Variants in SPRED1 observed in about 807,000 individuals in gnomAD.
The protein encoded by SPRED1 is sprouty-related, EVH1 domain-containing protein 1.
SPRED1 carries 18 observed loss-of-function variants against 52.3 expected under a neutral mutation model. The observed-to-expected ratio is 0.34, with a 90% CI of 0.24 to 0.51. The LOEUF is 0.51. Ranked by LOEUF, SPRED1 falls within the 20% of genes least tolerant of loss-of-function variation. The pLI is 0.97. For synonymous variants in SPRED1, 155 were observed against 179.7 expected (o/e 0.86, Z 1.10); for missense variants, 485 against 551.0 (o/e 0.88, Z 1.20).
chr15:38,297,648 A>G (rs1257565104), intron 1 of SPRED1, among the ~76,000 whole-genome samples: 1 of 151,186 alleles, frequency 6.6e-6, no homozygotes, highest in Non-Finnish European at 1.5e-5. Context: ...CCCCAATAAT[A>G]GATAATTATG....
chr15:38,273,702 A>AT (rs911592629), intron 1 of SPRED1, among the ~76,000 whole-genome samples: 103 of 152,272 alleles, frequency 6.8e-4, no homozygotes, highest in African/African-American at 2.4e-3. Flanking sequence ...GCTAAATGAT[A>AT]ATTAGCCCAG....
At position 38,322,230 on chromosome 15, in the gene SPRED1, G is replaced by A. The variant is rs751879511; in HGVS notation, c.208-11G>A. On this transcript the variant is annotated splice_polypyrimidine_tract_variant and intron_variant, in intron 2 of 6. Coordinates refer to ENST00000299084, the MANE Select transcript of SPRED1 (RefSeq NM_152594.3). Reference sequence around the variant, plus strand: ...TATGTATATTAATTTTTGGTATTTGGCTTTTGTCAGGTGGTTTTGGAATGT... The same window carrying A: ...TATGTATATTAATTTTTGGTATTTGACTTTTGTCAGGTGGTTTTGGAATGT... 4 of 1,613,330 alleles carry A rather than the reference G, an allele frequency of 2.5e-6. No individual in the cohort carries two copies. Among genetic ancestry groups the A allele is most frequent in the Admixed American group, 1.7e-5 (1 of 59,984 alleles).
chr15:38,270,203 A>C (rs77158173), intron 1 of SPRED1, among the ~76,000 whole-genome samples: 6,047 of 152,238 alleles, frequency 0.04, 402 homozygotes, highest in African/African-American at 0.14. Flanking sequence ...CACCATGCCC[A>C]GCCCAAATCT....
chr15:38,259,611 T>C (rs937156631), intron 1 of SPRED1, among the ~76,000 whole-genome samples: 3 of 152,210 alleles, frequency 2.0e-5, no homozygotes, highest in African/African-American at 4.8e-5. Flanking sequence ...ACAAAGGCTA[T>C]TGGGCTTAAA....
intron 1 of SPRED1, among the ~76,000 whole-genome samples, chr15:38,259,741 A>T (rs1251996499): frequency 6.6e-6 from 1 of 152,222 alleles, no homozygotes. Flanking sequence ...ACACTAGGGG[A>T]TAACTGTATA....
chr15:38,288,981 C>T (rs1894864951), intron 1 of SPRED1, among the ~76,000 whole-genome samples: 1 of 152,008 alleles, frequency 6.6e-6, no homozygotes, highest in African/African-American at 2.4e-5. Flanking sequence ...ACCAATATTC[C>T]AAATACAACA....
intron 2 of SPRED1, among the ~76,000 whole-genome samples, chr15:38,310,556 A>G (rs1035304906): frequency 6.6e-6 from 1 of 152,206 alleles, no homozygotes; most frequent in African/African-American, 2.4e-5. Flanking sequence ...GGACATCTTT[A>G]CTATGATGAA....
chr15:38,267,267 A>T (rs1894327964), intron 1 of SPRED1, among the ~76,000 whole-genome samples: 1 of 152,134 alleles, frequency 6.6e-6, no homozygotes, highest in African/African-American at 2.4e-5. Context: ...ACATTGTTTT[A>T]CCAAAAGTTT....
intron 4 of SPRED1, among the ~76,000 whole-genome samples, chr15:38,336,380 A>ATGTGTGTGTGTGTGTGTGTGTGTGTGTG (rs35912838): frequency 3.7e-5 from 5 of 134,310 alleles, no homozygotes; most frequent in Admixed American, 1.6e-4. Flanking sequence ...GATAAAGAAA[A>ATGTGTGTGTGTGTGTGTGTGTGTGTGTG]TGTGTGTGTG....
Position 38,351,569 on chromosome 15 carries a change from G to A in SPRED1, c.1240G>A (p.Val414Ile). ...WLALVALSFI[V>I]PCMCCYVPLR... ...AGCCCTGGTAGCTTTGTCTTTCATT[G>A]TACCATGTATGTGCTGCTACGTCCC... Residue 414 changes from valine to isoleucine, a missense_variant, in exon 7 of 7, where the codon GTA becomes ATA. By Grantham distance (29) the Val-to-Ile change is conservative (BLOSUM62 3). Coordinates refer to ENST00000299084, the MANE Select transcript of SPRED1 (RefSeq NM_152594.3). 6.2e-7 allele frequency: 1 copy of A among 1,614,128 alleles called. No homozygotes were observed. The highest frequency in any genetic ancestry group is 8.5e-7 in the Non-Finnish European group (1 of 1,180,010).
intron 1 of SPRED1, among the ~76,000 whole-genome samples, chr15:38,261,998 C>CTTTTTTTTT (rs35445689): frequency 7.4e-6 from 1 of 135,670 alleles, no homozygotes; most frequent in Non-Finnish European, 1.6e-5. Flanking sequence ...TCACCAAACT[C>CTTTTTTTTT]TTTTTTTTTT....
intron 2 of SPRED1, among the ~76,000 whole-genome samples, chr15:38,310,579 A>G (rs754973780): frequency 1.2e-4 from 19 of 152,364 alleles, no homozygotes; most frequent in Admixed American, 3.3e-4. Flanking sequence ...TCTAATTCAT[A>G]AATACACTGT....
intron 2 of SPRED1, among the ~76,000 whole-genome samples, chr15:38,308,143 C>T (rs1335150038): frequency 6.6e-6 from 1 of 152,108 alleles, no homozygotes; most frequent in African/African-American, 2.4e-5. Flanking sequence ...GAATTTGATA[C>T]TAATTTTTAT....
chr15:38,301,682 C>T (rs1453683999), intron 2 of SPRED1, among the ~76,000 whole-genome samples: 2 of 152,112 alleles, frequency 1.3e-5, no homozygotes, highest in East Asian at 1.9e-4. Flanking sequence ...AATTTGCACC[C>T]TCTGCTGGGT....
chr15:38,256,783 C>G (rs1894106785), intron 1 of SPRED1, among the ~76,000 whole-genome samples: 1 of 151,832 alleles, frequency 6.6e-6, no homozygotes, highest in Non-Finnish European at 1.5e-5. Flanking sequence ...ATGTTCACCC[C>G]ATACATTTTA....
chr15:38,262,913 G>A (rs1894232175), intron 1 of SPRED1, among the ~76,000 whole-genome samples: 1 of 152,204 alleles, frequency 6.6e-6, no homozygotes, highest in African/African-American at 2.4e-5. Context: ...ACCAGGTGAA[G>A]TTTTCATCAT....
chr15:38,298,763 T>C (rs1895091506), intron 1 of SPRED1, among the ~76,000 whole-genome samples: 1 of 152,244 alleles, frequency 6.6e-6, no homozygotes, highest in Admixed American at 6.5e-5. Flanking sequence ...AACAGAAATT[T>C]ATTTCTTACA....
chr15:38,316,761 T>TG (rs199744724), intron 2 of SPRED1, among the ~76,000 whole-genome samples: 29,946 of 142,134 alleles, frequency 0.21, 3,769 homozygotes, highest in Middle Eastern at 0.32. Flanking sequence ...TTTTTTTTTT[T>TG]TTTTTTTTTT....
chr15:38,260,862 T>C (rs955727551), intron 1 of SPRED1, among the ~76,000 whole-genome samples: 17 of 151,990 alleles, frequency 1.1e-4, no homozygotes, highest in African/African-American at 4.1e-4. Context: ...GATAGAGATA[T>C]AAAATAGGAA....
Sources: gnomAD v4.1 joint callset for allele counts (sites outside exome capture counted in the v4.1 genomes callset) on GRCh38, gnomAD v4.1.1 for gene constraint, MANE v1.5 for transcripts, NCBI Gene and HGNC (gene_info 2026-07-23, HGNC 2026-07-21) for gene names.